PPP1R12B: variants seen among roughly 807,000 people sequenced by gnomAD.
PPP1R12B encodes the protein myosin phosphatase target subunit 2.
In PPP1R12B, 76 loss-of-function variants were observed where a neutral mutation model predicts 126.1. That is an observed-to-expected ratio of 0.60 (90% CI 0.50 to 0.73). The LOEUF is 0.73. Ranked by LOEUF, PPP1R12B falls within the 30% of genes least tolerant of loss-of-function variation. The pLI is 0.00. For synonymous variants in PPP1R12B, 356 were observed against 434.7 expected (o/e 0.82, Z 2.25); for missense variants, 1,052 against 1,205.1 (o/e 0.87, Z 1.88).
chr1:202,564,530 C>T lies in PPP1R12B; in HGVS notation c.2740C>T (p.Leu914Phe). The stretch of plus-strand genomic sequence containing the variant: ...AGAGCTAGCAGATATAAAGTCCAAG[C>T]TTGAGAAGGTGGCCCAGGTAAGACG... Reference protein sequence around the residue: ...QLELADIKSKLEKVAQQKQEK... With the variant: ...QLELADIKSKFEKVAQQKQEK... The change falls in exon 21 of 24, where the codon CTT (leucine) becomes TTT (phenylalanine). Residue 914 changes from leucine to phenylalanine, a missense_variant. Transcript: ENST00000608999. 1 of 1,611,474 alleles carries T rather than the reference C, an allele frequency of 6.2e-7. No homozygotes were observed. The highest frequency in any genetic ancestry group is 8.5e-7 in the Non-Finnish European group (1 of 1,178,792).
chr1:202,551,517 A>C (rs1308454302), intron 18 of PPP1R12B, among the ~76,000 whole-genome samples: 2 of 130,728 alleles, frequency 1.5e-5, no homozygotes, highest in African/African-American at 5.1e-5. Context: ...TGTTACAGAT[A>C]AATTAAACCA....
intron 21 of PPP1R12B, among the ~76,000 whole-genome samples, chr1:202,567,006 G>A (rs569713906): frequency 8.8e-4 from 134 of 152,326 alleles, no homozygotes; most frequent in Non-Finnish European, 1.6e-3. Flanking sequence ...CCCTTTTAAG[G>A]AAGGGCCATT....
intron 18 of PPP1R12B, among the ~76,000 whole-genome samples, chr1:202,507,320 A>T (rs540217571): frequency 2.0e-5 from 3 of 152,302 alleles, no homozygotes; most frequent in African/African-American, 7.2e-5. Context: ...CCAAGCATTA[A>T]CACATTAAAA....
At chr1:202,491,520 C>T (rs1678887043) in intron 14 of PPP1R12B, among the ~76,000 whole-genome samples, 1 of 152,078 alleles carries the variant, frequency 6.6e-6, no homozygotes, top group Non-Finnish European at 1.5e-5. Flanking sequence ...TCATCTTTTC[C>T]ACCATCATAC....
At chr1:202,452,422 C>T (rs1316560516) in intron 13 of PPP1R12B, among the ~76,000 whole-genome samples, 19 of 152,218 alleles carry the variant, frequency 1.2e-4, no homozygotes, top group Non-Finnish European at 7.3e-5. Flanking sequence ...TGGCGGCGTG[C>T]GCCTGCAATC....
intron 13 of PPP1R12B, among the ~76,000 whole-genome samples, chr1:202,479,656 T>A (rs553214762): frequency 1.1e-4 from 16 of 152,342 alleles, no homozygotes; most frequent in African/African-American, 3.1e-4. Flanking sequence ...TTGAAAAGAC[T>A]GAAGCCTAGC....
chr1:202,373,687 T>C (rs539547661), intron 1 of PPP1R12B, among the ~76,000 whole-genome samples: 58 of 151,996 alleles, frequency 3.8e-4, no homozygotes, highest in South Asian at 2.1e-3. Flanking sequence ...TTAACGAGAA[T>C]GTCACTAGTG....
chr1:202,492,039 C>G (rs1487925576), intron 14 of PPP1R12B, among the ~76,000 whole-genome samples: 22 of 152,118 alleles, frequency 1.4e-4, no homozygotes, highest in Non-Finnish European at 2.9e-4. Flanking sequence ...CATCCGTGGC[C>G]TCTCTTGTTT....
chr1:202,443,671 C>T (rs1330951113), intron 12 of PPP1R12B, among the ~76,000 whole-genome samples: 1 of 152,202 alleles, frequency 6.6e-6, no homozygotes, highest in Non-Finnish European at 1.5e-5. Context: ...GTCTTAATGG[C>T]TAAGGCCTTG....
intron 6 of PPP1R12B, among the ~76,000 whole-genome samples, chr1:202,430,427 G>T (rs1267344392): frequency 6.0e-5 from 9 of 151,150 alleles, no homozygotes; most frequent in African/African-American, 2.2e-4. Context: ...ATTCTTTCAG[G>T]TTCCTTTTGG....
intron 13 of PPP1R12B, among the ~76,000 whole-genome samples, chr1:202,454,204 A>T (rs1673342113): frequency 6.6e-6 from 1 of 152,224 alleles, no homozygotes. Context: ...CCTTCTGGAA[A>T]TGTTGTAACC....
chr1:202,567,486 GGAGA>G (rs149322103), intron 21 of PPP1R12B: 630 of 350,608 alleles, frequency 1.8e-3, no homozygotes, highest in Non-Finnish European at 2.1e-3. Context: ...GAAGACCTGT[GGAGA>G]GAGAGAGAGA....
chr1:202,393,575 A>C (rs1664468485), intron 1 of PPP1R12B, among the ~76,000 whole-genome samples: 3 of 152,322 alleles, frequency 2.0e-5, no homozygotes, highest in Admixed American at 2.0e-4. Context: ...TTATAAAAAT[A>C]TATGCAGATC....
At chr1:202,438,873 C>A in intron 10 of PPP1R12B, 1 of 1,326,878 alleles carries the variant, frequency 7.5e-7, no homozygotes, top group Non-Finnish European at 1.1e-6. Flanking sequence ...CTGCTATAGC[C>A]CCCAGGGCAG....
At chr1:202,389,413 G>A (rs757391798) in intron 1 of PPP1R12B, among the ~76,000 whole-genome samples, 3 of 152,124 alleles carry the variant, frequency 2.0e-5, no homozygotes, top group African/African-American at 4.8e-5. Context: ...GGGAGGCTGA[G>A]GCGGGTGGAT....
chr1:202,451,948 A>G (rs1223562593), intron 13 of PPP1R12B, among the ~76,000 whole-genome samples: 2 of 150,204 alleles, frequency 1.3e-5, no homozygotes, highest in East Asian at 2.0e-4. Flanking sequence ...CACTTCTCAG[A>G]CGGGGCGGCT....
At chr1:202,444,228 T>C (rs1043421330) in intron 12 of PPP1R12B, among the ~76,000 whole-genome samples, 4 of 152,232 alleles carry the variant, frequency 2.6e-5, no homozygotes, top group South Asian at 4.1e-4. Flanking sequence ...AGAAATTCCT[T>C]TCATATGGCC....
chr1:202,588,825 A>AGATAGATAGAT lies in PPP1R12B; in HGVS notation c.*8266_*8276dup, dbSNP rs1350671117. ...TAGATTGGCGTTCAAAAGAACCGTA[A>AGATAGATAGAT]GATAGATAGATAGATAGATAGATAG... On this transcript the variant is annotated 3_prime_UTR_variant, in exon 24 of 24. Transcript: ENST00000608999. The AGATAGATAGAT allele has an allele frequency of 6.5e-4, 18 of 27,538 alleles. No individual in the cohort carries two copies. The East Asian group carries it at 0.014, about 22-fold the overall frequency. The allele number at this position is 27,538 out of a possible 1,614,324, so 1.7% of individuals were successfully genotyped here. A position where few individuals can be genotyped will look rare whatever the true frequency, so the allele number is the denominator to read the frequency against.
chr1:202,563,918 A>C (rs765585265), intron 20 of PPP1R12B, among the ~76,000 whole-genome samples: 3 of 151,960 alleles, frequency 2.0e-5, no homozygotes, highest in Non-Finnish European at 2.9e-5. Context: ...AAAATTGAAA[A>C]ATTAGCTGGG....
Sources: gnomAD v4.1 joint callset for allele counts (sites outside exome capture counted in the v4.1 genomes callset) on GRCh38, gnomAD v4.1.1 for gene constraint, MANE v1.5 for transcripts, NCBI Gene and HGNC (gene_info 2026-07-23, HGNC 2026-07-21) for gene names.